The following COL25A1 variants were observed in gnomAD, a reference collection of about 807,000 sequenced individuals.
COL25A1 encodes the protein collagen alpha-1(XXV) chain.
COL25A1 carries 103 observed loss-of-function variants against 128.4 expected under a neutral mutation model. The ratio of observed to expected loss-of-function variants is 0.80; its 90% CI spans 0.68 to 0.94. The LOEUF (loss-of-function observed/expected upper bound fraction) is 0.94. Ranked by LOEUF, COL25A1 falls within the 40% of genes least tolerant of loss-of-function variation. The probability of loss-of-function intolerance (pLI) is 0.00; values close to 1 mark genes in which losing one functional copy is unlikely to be tolerated. For synonymous variants in COL25A1, 279 were observed against 277.2 expected (o/e 1.01, Z -0.06); for missense variants, 745 against 840.0 (o/e 0.89, Z 1.40).
At chr4:108,870,669 A>G (rs183851020) in intron 19 of COL25A1, among the ~76,000 whole-genome samples, 115 of 152,348 alleles carry the variant, frequency 7.5e-4, no homozygotes, top group Non-Finnish European at 1.2e-3. Flanking sequence ...AAAGAGTTTA[A>G]CTTAAGTCAA....
intron 6 of COL25A1, among the ~76,000 whole-genome samples, chr4:108,979,053 G>C (rs1752705567): frequency 6.6e-6 from 1 of 152,162 alleles, no homozygotes; most frequent in Non-Finnish European, 1.5e-5. Flanking sequence ...GTAATTAGAA[G>C]ATTTATTTTA....
chr4:109,197,263 G>A (rs1291351868), intron 3 of COL25A1, among the ~76,000 whole-genome samples: 1 of 147,152 alleles, frequency 6.8e-6, no homozygotes, highest in Non-Finnish European at 1.5e-5. Flanking sequence ...GAGGCCAAAG[G>A]TGCAGTGAGC....
chr4:108,814,015 C>A, intron 37 of COL25A1, 86 bp from the exon 38 acceptor site: 1 of 1,059,882 alleles, frequency 9.4e-7, no homozygotes. Flanking sequence ...TTTCAGAAAA[C>A]TGGTAGAACC....
At chr4:108,849,204 A>G (rs1735472947) in intron 26 of COL25A1, among the ~76,000 whole-genome samples, 1 of 152,168 alleles carries the variant, frequency 6.6e-6, no homozygotes, top group African/African-American at 2.4e-5. Context: ...TTTCAGTAAA[A>G]AGGAAAACAT....
At chr4:109,221,427 G>C (rs1288651904) in intron 3 of COL25A1, among the ~76,000 whole-genome samples, 1 of 152,144 alleles carries the variant, frequency 6.6e-6, no homozygotes, top group East Asian at 1.9e-4. Flanking sequence ...AAACTTGTTT[G>C]AAATAGTAAT....
At chr4:109,016,659 G>T (rs1212397062) in intron 5 of COL25A1, among the ~76,000 whole-genome samples, 11 of 152,248 alleles carry the variant, frequency 7.2e-5, no homozygotes. Context: ...ACCACTCTGG[G>T]TCTTCTATTT....
rs571952332 is a variant in COL25A1, at chr4:108,914,678, A to C, written c.780+3494T>G. On this transcript the variant is annotated intron_variant, in intron 13 of 37. Transcript: ENST00000399132. ...TTTTTTTTTTTTTTTTTTTTTTGAG[A>C]CAGGGTCTCACTATGTTGCCCACGC... Among the ~76,000 whole-genome samples the C allele has an allele frequency of 2.9e-5, 3 of 104,802 alleles. No individual in the cohort carries two copies. In the East Asian group the frequency reaches 1.0e-3, roughly 35 times the overall value. 68.8% of individuals were successfully genotyped at this position (104,802 alleles called of 152,430 possible). A position where few individuals can be genotyped will look rare whatever the true frequency, so the allele number is the denominator to read the frequency against.
At chr4:108,844,457 T>C (rs574224236) in intron 30 of COL25A1, 62 bp downstream of exon 30, 1 of 1,613,716 alleles carries the variant, frequency 6.2e-7, no homozygotes, top group African/African-American at 1.3e-5. Flanking sequence ...GATGTGTTCA[T>C]GTTCTCTCTA....
chr4:108,993,696 C>T (rs9994522), intron 6 of COL25A1, among the ~76,000 whole-genome samples: 120,747 of 151,740 alleles, frequency 0.8, 49,209 homozygotes, highest in East Asian at 1. Flanking sequence ...CCCATCTCTA[C>T]TAAAAATACA....
intron 3 of COL25A1, among the ~76,000 whole-genome samples, chr4:109,142,100 G>A (rs576999609): frequency 2.8e-3 from 423 of 152,268 alleles, no homozygotes; most frequent in Admixed American, 4.4e-3. Context: ...TGCTTTAGCT[G>A]TGTCCCAGAG....
intron 35 of COL25A1, 159 bp downstream of exon 35, chr4:108,824,015 T>C: frequency 6.3e-7 from 1 of 1,598,604 alleles, no homozygotes; most frequent in East Asian, 2.3e-5. Context: ...CCTTCTTCAT[T>C]CCTCTCTGAA....
At chr4:109,147,007 C>A (rs952253307) in intron 3 of COL25A1, among the ~76,000 whole-genome samples, 1 of 151,998 alleles carries the variant, frequency 6.6e-6, no homozygotes, top group African/African-American at 2.4e-5. Flanking sequence ...CCAAAAAAAA[C>A]AAAACTGTGT....
At chr4:109,044,351 T>C (rs1441441573) in intron 5 of COL25A1, among the ~76,000 whole-genome samples, 1 of 151,596 alleles carries the variant, frequency 6.6e-6, no homozygotes, top group Non-Finnish European at 1.5e-5. Flanking sequence ...CTAAGTAAAG[T>C]TGCAAATATA....
chr4:109,260,886 A>G (rs1781405530), intron 3 of COL25A1, among the ~76,000 whole-genome samples: 1 of 152,224 alleles, frequency 6.6e-6, no homozygotes. Context: ...AAAGATTTTC[A>G]AAATTTAGTT....
chr4:108,896,751 T>TAA, intron 15 of COL25A1, 40 bp from the exon 16 acceptor site: 3 of 1,541,250 alleles, frequency 1.9e-6, no homozygotes, highest in Non-Finnish European at 2.7e-6. Context: ...AATACATTGG[T>TAA]GACGTCAAGC....
At chr4:108,825,527 G>A (rs549630720) in intron 33 of COL25A1, among the ~76,000 whole-genome samples, 13 of 152,256 alleles carry the variant, frequency 8.5e-5, no homozygotes, top group East Asian at 1.9e-4. Flanking sequence ...GACTGTTAGT[G>A]TTGAAGTTAA....
intron 3 of COL25A1, among the ~76,000 whole-genome samples, chr4:109,185,300 T>C (rs571851913): frequency 2.8e-4 from 42 of 152,326 alleles, no homozygotes; most frequent in Non-Finnish European, 4.7e-4. Flanking sequence ...ATCATTTTCA[T>C]ACATTGAGCA....
chr4:109,253,813 C>T (rs1368587465), intron 3 of COL25A1, among the ~76,000 whole-genome samples: 12 of 152,056 alleles, frequency 7.9e-5, no homozygotes, highest in South Asian at 2.1e-4. Flanking sequence ...TTAGGCCGGG[C>T]GCAGTGGCTC....
intron 3 of COL25A1, among the ~76,000 whole-genome samples, chr4:109,175,990 A>C (rs1471599388): frequency 6.6e-6 from 1 of 152,266 alleles, no homozygotes; most frequent in Non-Finnish European, 1.5e-5. Flanking sequence ...ATTGTATAAT[A>C]GACCATAAAT....
Sources: gnomAD v4.1 joint callset for allele counts (sites outside exome capture counted in the v4.1 genomes callset) on GRCh38, gnomAD v4.1.1 for gene constraint, MANE v1.5 for transcripts, NCBI Gene and HGNC (gene_info 2026-07-23, HGNC 2026-07-21) for gene names.